Variants in EML6 observed in about 807,000 individuals in gnomAD.
EML6 encodes the protein EMAP like 6.
EML6 carries 154 observed loss-of-function variants against 240.1 expected under a neutral mutation model. That is an observed-to-expected ratio of 0.64 (90% CI 0.56 to 0.73). The LOEUF (loss-of-function observed/expected upper bound fraction) is 0.73, where lower values mean the gene tolerates loss of function less well. EML6 is among the 30% of genes least tolerant of loss of function. The pLI is 0.00. For missense variants in EML6, 2,964 were observed against 2,474.6 expected (o/e 1.20, Z -4.20); for synonymous variants, 1,148 against 899.0 (o/e 1.28, Z -4.95).
chr2:54,962,089 T>G (rs1272715004), intron 35 of EML6, among the ~76,000 whole-genome samples: 2 of 150,010 alleles, frequency 1.3e-5, no homozygotes, highest in Non-Finnish European at 1.5e-5. Context: ...ACTTGTTTTT[T>G]TTTTTTTTTT....
intron 9 of EML6, among the ~76,000 whole-genome samples, chr2:54,848,112 A>C (rs1220724581): frequency 6.6e-6 from 1 of 152,192 alleles, no homozygotes. Context: ...ACCCAACAGC[A>C]CCAGATGTTT....
chr2:54,832,538 A>T (rs773842197), intron 7 of EML6, among the ~76,000 whole-genome samples: 9 of 152,232 alleles, frequency 5.9e-5, no homozygotes, highest in African/African-American at 1.2e-4. Flanking sequence ...GTAGGAATTA[A>T]AATACATAGG....
rs1418973994 is a variant in EML6 at position 54,962,700 on chromosome 2, C to T, written c.5146C>T (p.Leu1716=). 6.7e-7 allele frequency: 1 copy of T among 1,488,188 alleles called. No homozygotes were observed. Among genetic ancestry groups the T allele is most frequent in the African/African-American group, 1.4e-5 (1 of 70,338 alleles). 92.2% of individuals were successfully genotyped at this position (1,488,188 alleles called of 1,614,324 possible). A position where few individuals can be genotyped will look rare whatever the true frequency, so the allele number is the denominator to read the frequency against. Residue 1716 remains leucine, a synonymous_variant, in exon 36 of 42, where the codon CTG becomes TTG. Transcript: ENST00000356458. ...CGATGGCACAGCCCGGATCTGGGAC[C>T]TGGCTGACAAGGTGAGGCCGACTCT... ...SNDGTARIWD[L]ADKKLLNKVS...
chr2:54,962,325 A>G (rs1676556941), intron 35 of EML6, among the ~76,000 whole-genome samples, 198 bp from the exon 36 acceptor site: 1 of 152,142 alleles, frequency 6.6e-6, no homozygotes, highest in Non-Finnish European at 1.5e-5. Flanking sequence ...TTGTGCAGCC[A>G]TCACCACCAT....
At chr2:54,931,237 G>A (rs1674846309) in intron 28 of EML6, among the ~76,000 whole-genome samples, 1 of 152,134 alleles carries the variant, frequency 6.6e-6, no homozygotes, top group African/African-American at 2.4e-5. Context: ...GATTACAGGC[G>A]TGAGCCACCG....
chr2:54,847,941 C>T (rs1475979013), intron 9 of EML6, among the ~76,000 whole-genome samples: 1 of 152,154 alleles, frequency 6.6e-6, no homozygotes, highest in Non-Finnish European at 1.5e-5. Flanking sequence ...CAGATTGCTG[C>T]CCCAGCCCCC....
intron 28 of EML6, among the ~76,000 whole-genome samples, chr2:54,944,874 C>G (rs1213634529): frequency 6.6e-6 from 1 of 151,876 alleles, no homozygotes; most frequent in Non-Finnish European, 1.5e-5. Flanking sequence ...TGACACAGTC[C>G]AGTTTGGTCT....
At chr2:54,882,160 T>A (rs1380403035) in intron 17 of EML6, 1 of 152,228 alleles carries the variant, frequency 6.6e-6, no homozygotes, top group African/African-American at 2.4e-5. Flanking sequence ...AAGATTTTAT[T>A]TTCAAGATCT....
chr2:54,871,771 C>T (rs1671272356), intron 16 of EML6, among the ~76,000 whole-genome samples, 166 bp downstream of exon 16: 1 of 152,258 alleles, frequency 6.6e-6, no homozygotes, highest in Non-Finnish European at 1.5e-5. Flanking sequence ...CAGCTACCCG[C>T]TCTTATACTG....
chr2:54,895,136 T>A, intron 20 of EML6, 110 bp downstream of exon 20: 1 of 1,310,528 alleles, frequency 7.6e-7, no homozygotes. Flanking sequence ...CTCTTCCATG[T>A]TTAGAACTCT....
At chr2:54,958,557 G>C (rs1362408917) in intron 33 of EML6, among the ~76,000 whole-genome samples, 5 of 152,086 alleles carry the variant, frequency 3.3e-5, no homozygotes, top group African/African-American at 1.2e-4. Flanking sequence ...CAGGAGGTTT[G>C]TTGTTCTAAA....
chr2:54,826,292 G>A (rs543509783), intron 5 of EML6, among the ~76,000 whole-genome samples: 3 of 152,100 alleles, frequency 2.0e-5, no homozygotes, highest in Admixed American at 6.5e-5. Flanking sequence ...TATAACCTGA[G>A]GGGGGGCTAT....
chr2:54,736,083 G>A (rs1013336305), intron 2 of EML6, among the ~76,000 whole-genome samples: 1 of 152,210 alleles, frequency 6.6e-6, no homozygotes, highest in Non-Finnish European at 1.5e-5. Flanking sequence ...GTAGCTCAAT[G>A]TTACCAGAAT....
At chr2:54,853,105 T>G (rs1335551142) in intron 10 of EML6, among the ~76,000 whole-genome samples, 1 of 152,236 alleles carries the variant, frequency 6.6e-6, no homozygotes, top group Non-Finnish European at 1.5e-5. Context: ...AGCCTGAATT[T>G]TAAAGACATC....
intron 28 of EML6, among the ~76,000 whole-genome samples, chr2:54,930,858 GC>G (rs1674817350): frequency 6.6e-6 from 1 of 151,696 alleles, no homozygotes; most frequent in South Asian, 2.1e-4. Flanking sequence ...CTCCATGGGG[GC>G]AAATCACAAT....
rs2104517355 is a variant in EML6, at chr2:54,957,955, G to C, written c.4652G>C (p.Gly1551Ala). The change falls in exon 33 of 42, where the codon GGA becomes GCA. Residue 1551 changes from glycine to alanine, a missense_variant. Transcript: ENST00000356458. The part of the protein sequence containing the change: ...LYKKGVIGSL[G>A]AAKMQTMLSV... ...AAGAAAGGGGTCATCGGGTCCCTGG[G>C]AGCTGCCAAAATGCAGACGATGCTC... 1 of 1,551,564 alleles carries C rather than the reference G, an allele frequency of 6.4e-7. No homozygotes were observed. Among genetic ancestry groups the C allele is most frequent in the Non-Finnish European group, 8.7e-7 (1 of 1,146,922 alleles).
chr2:54,792,038 C>T (rs564094725), intron 2 of EML6, among the ~76,000 whole-genome samples: 1 of 152,222 alleles, frequency 6.6e-6, no homozygotes, highest in Admixed American at 6.5e-5. Context: ...CATCAGAATG[C>T]GCCTGGACCT....
intron 10 of EML6, among the ~76,000 whole-genome samples, chr2:54,853,318 ATTTTC>A (rs1296478759): frequency 1.3e-5 from 2 of 152,156 alleles, no homozygotes; most frequent in African/African-American, 2.4e-5. Context: ...TAGTATGATA[ATTTTC>A]TTAAGTTTTT....
In EML6 at chr2:54,961,184, G is replaced by GTTGTTTTTTTTTGTTTGTTTTTTTTTTTT; in HGVS notation, c.4968+852_4968+853insGTTTTTTTTTGTTTGTTTTTTTTTTTTTT. 5.4e-5 allele frequency among the ~76,000 whole-genome samples: 3 copies of GTTGTTTTTTTTTGTTTGTTTTTTTTTTTT among 55,424 alleles called. 1 individual carries two copies. Among genetic ancestry groups the GTTGTTTTTTTTTGTTTGTTTTTTTTTTTT allele is most frequent in the Non-Finnish European group, 3.2e-5 (1 of 31,670 alleles). 36.4% of individuals were successfully genotyped at this position (55,424 alleles called of 152,430 possible). A position where few individuals can be genotyped will look rare whatever the true frequency, so the allele number is the denominator to read the frequency against. The stretch of plus-strand genomic sequence containing the variant: ...GGAGCCTGGAAGTTATCAGGAAGTA[G>GTTGTTTTTTTTTGTTTGTTTTTTTTTTTT]TTTTTTTTTTTTTTTTTTTGAGACG... On this transcript the variant is annotated intron_variant, in intron 35 of 41. Coordinates refer to ENST00000356458, the MANE Select transcript of EML6 (RefSeq NM_001039753.4).
Sources: allele counts gnomAD v4.1 joint callset (sites outside exome capture counted in the v4.1 genomes callset), GRCh38; gene constraint gnomAD v4.1.1; transcripts MANE v1.5; gene names NCBI Gene and HGNC (gene_info 2026-07-23, HGNC 2026-07-21).